The following SYNDIG1 variants were observed in gnomAD, a reference collection of about 807,000 sequenced individuals.
The protein encoded by SYNDIG1 is synapse differentiation inducing 1, also known as synapse differentiation-inducing gene protein 1.
In SYNDIG1, 9 loss-of-function variants were observed where a neutral mutation model predicts 19.4. The ratio of observed to expected loss-of-function variants is 0.46; its 90% CI spans 0.28 to 0.81. The LOEUF (loss-of-function observed/expected upper bound fraction) is 0.81, where lower values mean the gene tolerates loss of function less well. SYNDIG1 is among the 30% of genes least tolerant of loss of function. The pLI, the probability that SYNDIG1 is intolerant of heterozygous loss-of-function variation, is 0.12. For missense variants in SYNDIG1, 311 were observed against 343.3 expected (o/e 0.91, Z 0.74); for synonymous variants, 141 against 145.9 (o/e 0.97, Z 0.24).
intron 3 of SYNDIG1, among the ~76,000 whole-genome samples, chr20:24,619,686 C>T (rs745616030): frequency 6.6e-6 from 1 of 152,218 alleles, no homozygotes; most frequent in Non-Finnish European, 1.5e-5. Context: ...TATATAATAG[C>T]ATAGCCCAGA....
chr20:24,628,000 G>A (rs2059179933), intron 3 of SYNDIG1, among the ~76,000 whole-genome samples: 1 of 152,186 alleles, frequency 6.6e-6, no homozygotes, highest in Non-Finnish European at 1.5e-5. Flanking sequence ...GGTGTGCAGC[G>A]TGGATGTTAA....
intron 1 of SYNDIG1, among the ~76,000 whole-genome samples, chr20:24,533,400 G>T (rs1458897566): frequency 6.6e-6 from 1 of 152,132 alleles, no homozygotes. Flanking sequence ...TATTTACAGA[G>T]CTGTGGGTTT....
At chr20:24,584,675 G>C (rs1432899864) in intron 2 of SYNDIG1, among the ~76,000 whole-genome samples, 181 bp from the exon 3 acceptor site, 1 of 152,182 alleles carries the variant, frequency 6.6e-6, no homozygotes, top group African/African-American at 2.4e-5. Flanking sequence ...TGGCCTGGCT[G>C]CCCTTCCTGG....
intron 1 of SYNDIG1, among the ~76,000 whole-genome samples, chr20:24,472,895 T>C (rs2055510220): frequency 6.6e-6 from 1 of 152,238 alleles, no homozygotes; most frequent in African/African-American, 2.4e-5. Flanking sequence ...AAAGGTGTCC[T>C]TAGTTAACCT....
intron 1 of SYNDIG1, among the ~76,000 whole-genome samples, chr20:24,507,568 C>T (rs1444835186): frequency 6.6e-6 from 1 of 152,178 alleles, no homozygotes; most frequent in African/African-American, 2.4e-5. Context: ...CGCCTGGAGC[C>T]GTGAATGTGG....
At chr20:24,581,202 C>T (rs1021063789) in intron 2 of SYNDIG1, among the ~76,000 whole-genome samples, 12 of 152,100 alleles carry the variant, frequency 7.9e-5, no homozygotes, top group Admixed American at 5.9e-4. Flanking sequence ...ACTCCAGCAG[C>T]CACTCACAGG....
chr20:24,571,409 A>C (rs932670091), intron 2 of SYNDIG1, among the ~76,000 whole-genome samples: 1 of 152,188 alleles, frequency 6.6e-6, no homozygotes, highest in African/African-American at 2.4e-5. Flanking sequence ...CTATCTTTGC[A>C]GTTCCTACAG....
At chr20:24,629,748 C>A (rs982469902) in intron 3 of SYNDIG1, among the ~76,000 whole-genome samples, 3 of 152,212 alleles carry the variant, frequency 2.0e-5, no homozygotes, top group Non-Finnish European at 2.9e-5. Context: ...TGGCTTACTG[C>A]CAGCAAGGAG....
intron 1 of SYNDIG1, among the ~76,000 whole-genome samples, chr20:24,490,703 G>C (rs2056121640): frequency 6.6e-6 from 1 of 152,206 alleles, no homozygotes; most frequent in African/African-American, 2.4e-5. Flanking sequence ...CTGTGGCTAG[G>C]ACTCCTTATG....
intron 3 of SYNDIG1, among the ~76,000 whole-genome samples, chr20:24,635,612 C>A (rs1171943045): frequency 6.6e-6 from 1 of 152,176 alleles, no homozygotes; most frequent in Non-Finnish European, 1.5e-5. Context: ...GATGAGGAGG[C>A]CGACTAAAGG....
intron 2 of SYNDIG1, among the ~76,000 whole-genome samples, chr20:24,549,369 A>G (rs1469119981): frequency 6.6e-6 from 1 of 152,094 alleles, no homozygotes; most frequent in Admixed American, 6.5e-5. Flanking sequence ...AGTTTCATCC[A>G]TATTTGCTGC....
At chr20:24,660,392 G>A (rs900141919) in intron 3 of SYNDIG1, among the ~76,000 whole-genome samples, 3 of 152,152 alleles carry the variant, frequency 2.0e-5, no homozygotes, top group African/African-American at 7.2e-5. Context: ...TTTCCACATT[G>A]TCTGTGACAC....
At chr20:24,585,184 G>A (rs1455622633) in intron 3 of SYNDIG1, among the ~76,000 whole-genome samples, 191 bp downstream of exon 3, 2 of 152,194 alleles carry the variant, frequency 1.3e-5, no homozygotes, top group Admixed American at 6.5e-5. Context: ...GAGGCATTCC[G>A]GCTGCCTCAC....
chr20:24,521,856 C>T (rs1433325007), intron 1 of SYNDIG1, among the ~76,000 whole-genome samples: 5 of 149,932 alleles, frequency 3.3e-5, no homozygotes, highest in Non-Finnish European at 5.9e-5. Context: ...GCCAAGATTG[C>T]GCCACTGCAC....
chr20:24,627,878 G>T (rs1205012747), intron 3 of SYNDIG1, among the ~76,000 whole-genome samples: 3 of 152,272 alleles, frequency 2.0e-5, no homozygotes, highest in Admixed American at 6.5e-5. Flanking sequence ...AGAATCAAGT[G>T]CTCAGTCACT....
intron 1 of SYNDIG1, among the ~76,000 whole-genome samples, chr20:24,494,156 G>A (rs941420166): frequency 1.3e-5 from 2 of 152,060 alleles, no homozygotes; most frequent in Non-Finnish European, 2.9e-5. Context: ...GCCGGGGGCG[G>A]GGCGGCGCGC....
chr20:24,568,001 G>A (rs2058081572), intron 2 of SYNDIG1, among the ~76,000 whole-genome samples: 1 of 152,180 alleles, frequency 6.6e-6, no homozygotes, highest in Non-Finnish European at 1.5e-5. Flanking sequence ...GGACATGATG[G>A]GTGATGGCAG....
intron 3 of SYNDIG1, among the ~76,000 whole-genome samples, chr20:24,641,105 C>T (rs1022521025): frequency 6.6e-6 from 1 of 152,238 alleles, no homozygotes; most frequent in Admixed American, 6.5e-5. Flanking sequence ...TTCATGAGCA[C>T]TTACTACAAT....
chr20:24,572,491 G>A (rs1167727075), intron 2 of SYNDIG1, among the ~76,000 whole-genome samples: 1 of 152,336 alleles, frequency 6.6e-6, no homozygotes, highest in South Asian at 2.1e-4. Flanking sequence ...TGGTGACTTT[G>A]GCCACTGCCT....
Sources: gnomAD v4.1 joint callset for allele counts (sites outside exome capture counted in the v4.1 genomes callset) on GRCh38, gnomAD v4.1.1 for gene constraint, MANE v1.5 for transcripts, NCBI Gene and HGNC (gene_info 2026-07-23, HGNC 2026-07-21) for gene names.